Variants in XKR4 observed in about 807,000 individuals in gnomAD.
XKR4 encodes the protein XK related 4.
XKR4 carries 12 observed loss-of-function variants against 53.9 expected under a neutral mutation model. The observed-to-expected ratio is 0.22, with a 90% CI of 0.14 to 0.36. XKR4 has a LOEUF of 0.36. Among genes scored for constraint, XKR4 ranks in the 10% least tolerant of loss-of-function variants. XKR4 has a pLI of 1.00. For synonymous variants in XKR4, 354 were observed against 362.4 expected, an observed-to-expected ratio of 0.98 and a Z score of 0.26; for missense variants, 799 against 859.5, an observed-to-expected ratio of 0.93 and a Z score of 0.88.
At chr8:55,323,792 C>A (rs1225127818) in intron 1 of XKR4, among the ~76,000 whole-genome samples, 1 of 152,134 alleles carries the variant, frequency 6.6e-6, no homozygotes, top group Non-Finnish European at 1.5e-5. Flanking sequence ...CTCTCCAAGT[C>A]TTTTTTTGTC....
intron 1 of XKR4, among the ~76,000 whole-genome samples, chr8:55,277,848 A>C (rs1031364887): frequency 6.6e-6 from 1 of 152,240 alleles, no homozygotes; most frequent in Admixed American, 6.5e-5. Flanking sequence ...AATATATTCT[A>C]TTGTGTTTAT....
intron 1 of XKR4, among the ~76,000 whole-genome samples, chr8:55,250,561 C>G (rs1274185191): frequency 6.6e-6 from 1 of 152,178 alleles, no homozygotes; most frequent in Admixed American, 6.5e-5. Flanking sequence ...GTGGTCCTGA[C>G]CCATGCTTCT....
At chr8:55,265,698 G>A (rs1180719519) in intron 1 of XKR4, among the ~76,000 whole-genome samples, 1 of 152,062 alleles carries the variant, frequency 6.6e-6, no homozygotes, top group Non-Finnish European at 1.5e-5. Flanking sequence ...AAAAATTCCT[G>A]GCTGGGCACG....
Position 55,538,200 on chromosome 8 carries a change from T to G in XKR4, c.*13973T>G, listed in dbSNP as rs1255332863. ...AAGGAACTGGGAATCTCTGCACAAC[T>G]GAGCCCTAATCCCTGGTCCATCTCT... On this transcript the variant is annotated 3_prime_UTR_variant, in exon 3 of 3. Coordinates refer to ENST00000327381, the MANE Select transcript of XKR4 (RefSeq NM_052898.2). 6.6e-6 allele frequency: 1 copy of G among 152,228 alleles called. No homozygotes were observed. The highest frequency in any genetic ancestry group is 2.1e-4 in the South Asian group (1 of 4,830). The allele number at this position is 152,228 out of a possible 1,614,324, so 9.4% of individuals were successfully genotyped here.
intron 2 of XKR4, among the ~76,000 whole-genome samples, chr8:55,404,181 C>G (rs2622542): frequency 0.71 from 108,396 of 152,020 alleles, 39,758 homozygotes; most frequent in African/African-American, 0.89. Context: ...GTTAACATTA[C>G]GAGGGATAAA....
intron 1 of XKR4, among the ~76,000 whole-genome samples, chr8:55,150,968 CA>C (rs1307552117): frequency 6.6e-6 from 1 of 152,190 alleles, no homozygotes; most frequent in African/African-American, 2.4e-5. Flanking sequence ...TTTTAAGAAA[CA>C]GATGCTTTAG....
intron 1 of XKR4, among the ~76,000 whole-genome samples, chr8:55,145,125 C>G (rs1051573310): frequency 1.3e-5 from 2 of 152,146 alleles, no homozygotes; most frequent in South Asian, 4.1e-4. Context: ...AGCCACCACA[C>G]CTGGCCTAGT....
chr8:55,452,174 G>T (rs948223256), intron 2 of XKR4: 7 of 725,404 alleles, frequency 9.6e-6, no homozygotes, highest in Admixed American at 6.9e-5. Context: ...AGAAGAGCTC[G>T]GCACTGTCAG....
intron 2 of XKR4, among the ~76,000 whole-genome samples, chr8:55,472,584 G>T (rs1056576645): frequency 6.6e-6 from 1 of 152,066 alleles, no homozygotes; most frequent in African/African-American, 2.4e-5. Context: ...CAACAAGGGG[G>T]AGAAAAATGG....
intron 2 of XKR4, among the ~76,000 whole-genome samples, chr8:55,483,210 T>C (rs1020738077): frequency 2.0e-5 from 3 of 152,184 alleles, no homozygotes; most frequent in Admixed American, 2.0e-4. Context: ...TCACCCAGCA[T>C]CATCACTTCT....
At position 55,433,985 on chromosome 8, in the gene XKR4, G is replaced by T. The variant is rs548406001; in HGVS notation, c.1006+76108G>T. Among the ~76,000 whole-genome samples the T allele has an allele frequency of 9.2e-5, 14 of 152,246 alleles. No homozygotes were observed. In the East Asian group the frequency reaches 1.7e-3, roughly 19 times the overall value. The stretch of plus-strand genomic sequence containing the variant: ...GGAGACTGAGGTTGCAGTGAGCTGT[G>T]ATCACACCACTGCACTCCAGCCTGG... On this transcript the variant is annotated intron_variant, in intron 2 of 2. Coordinates refer to ENST00000327381, the MANE Select transcript of XKR4 (RefSeq NM_052898.2).
At chr8:55,226,371 GA>G (rs1475031834) in intron 1 of XKR4, among the ~76,000 whole-genome samples, 8 of 152,178 alleles carry the variant, frequency 5.3e-5, no homozygotes, top group African/African-American at 1.9e-4. Context: ...TAGGCTGAAG[GA>G]GAAACTTTGC....
intron 1 of XKR4, among the ~76,000 whole-genome samples, chr8:55,165,197 A>T (rs760454520): frequency 1.3e-5 from 2 of 152,222 alleles, no homozygotes; most frequent in Non-Finnish European, 2.9e-5. Context: ...CTGATTGGTG[A>T]GTCTCTCAAT....
chr8:55,256,760 A>C (rs1052577726), intron 1 of XKR4, among the ~76,000 whole-genome samples: 2 of 152,184 alleles, frequency 1.3e-5, no homozygotes, highest in African/African-American at 4.8e-5. Flanking sequence ...CTGCACCTGG[A>C]AGATGAGAAG....
chr8:55,434,894 C>T (rs1805152508), intron 2 of XKR4, among the ~76,000 whole-genome samples: 1 of 152,254 alleles, frequency 6.6e-6, no homozygotes, highest in Non-Finnish European at 1.5e-5. Context: ...GCTCTCCCTT[C>T]CCTGCTGTGC....
chr8:55,455,071 G>A (rs1805538134), intron 2 of XKR4: 4 of 708,676 alleles, frequency 5.6e-6, no homozygotes, highest in African/African-American at 5.2e-5. Flanking sequence ...TCTGGCCCTG[G>A]CCTTTCCCAC....
intron 1 of XKR4, among the ~76,000 whole-genome samples, chr8:55,148,475 A>G (rs994248522): frequency 6.6e-6 from 1 of 152,100 alleles, no homozygotes; most frequent in Admixed American, 6.5e-5. Flanking sequence ...TCCAATCCCT[A>G]TCTCCTTGAT....
rs898295526 is a variant in XKR4, at chr8:55,419,636, C to G, written c.1006+61759C>G. Reference sequence around the variant, plus strand: ...AGATAATGAATCAATAACATGATCTCCTGAGACCTAGTTAGGGTCCTGCTA... The same window carrying G: ...AGATAATGAATCAATAACATGATCTGCTGAGACCTAGTTAGGGTCCTGCTA... On this transcript the variant is annotated intron_variant, in intron 2 of 2. Coordinates refer to ENST00000327381, the MANE Select transcript of XKR4 (RefSeq NM_052898.2). Among the ~76,000 whole-genome samples, 4 of 152,138 alleles carry G rather than the reference C, an allele frequency of 2.6e-5. No homozygotes were observed. In the East Asian group the frequency reaches 7.7e-4, roughly 29 times the overall value.
intron 2 of XKR4, among the ~76,000 whole-genome samples, chr8:55,415,029 A>G (rs961695720): frequency 1.3e-5 from 2 of 152,216 alleles, no homozygotes; most frequent in Non-Finnish European, 2.9e-5. Context: ...ATAGCTGTAC[A>G]TATCTGTTCT....
Sources: gnomAD v4.1 joint callset for allele counts (sites outside exome capture counted in the v4.1 genomes callset) on GRCh38, gnomAD v4.1.1 for gene constraint, MANE v1.5 for transcripts, NCBI Gene and HGNC (gene_info 2026-07-23, HGNC 2026-07-21) for gene names.